HIRA: variants seen among roughly 807,000 people sequenced by gnomAD.
HIRA encodes the protein protein HIRA.
HIRA carries 13 observed loss-of-function variants against 126.6 expected under a neutral mutation model. The ratio of observed to expected loss-of-function variants is 0.10; its 90% CI spans 0.07 to 0.16. The LOEUF (loss-of-function observed/expected upper bound fraction) is 0.16, where lower values mean the gene tolerates loss of function less well. HIRA is among the 10% of genes least tolerant of loss of function. HIRA has a pLI of 1.00. For synonymous variants in HIRA, 511 were observed against 520.0 expected (o/e 0.98, Z 0.24); for missense variants, 834 against 1,314.4 (o/e 0.63, Z 5.65).
intron 1 of HIRA, among the ~76,000 whole-genome samples, chr22:19,413,629 A>ATT (rs373575602): frequency 3.0e-4 from 45 of 151,614 alleles, no homozygotes; most frequent in African/African-American, 1.0e-3. Flanking sequence ...TTATTTATTT[A>ATT]TAGACAGAGT....
At chr22:19,398,612 G>A (rs1286803314) in intron 5 of HIRA, among the ~76,000 whole-genome samples, 1 of 152,216 alleles carries the variant, frequency 6.6e-6, no homozygotes, top group African/African-American at 2.4e-5. Context: ...TCACTATGGA[G>A]CCTCCAAACA....
In HIRA at chr22:19,359,264, C is replaced by T. The variant is rs2088841720; in HGVS notation, c.2234+72G>A. ...CCCAGGGTCATGCACCTCCCCTAGA[C>T]AGGCCCAGGCCCAGAATGATGGCAT... On this transcript the variant is annotated intron_variant, in intron 18 of 24. Coordinates refer to ENST00000263208, the MANE Select transcript of HIRA (RefSeq NM_003325.4). 1.1e-5 allele frequency: 16 copies of T among 1,437,192 alleles called. No individual in the cohort carries two copies. In the South Asian group the frequency reaches 2.1e-4, roughly 19 times the overall value. 89.0% of individuals were successfully genotyped at this position (1,437,192 alleles called of 1,614,324 possible).
intron 1 of HIRA, among the ~76,000 whole-genome samples, chr22:19,411,388 G>C (rs983220080): frequency 5.9e-5 from 9 of 152,238 alleles, no homozygotes; most frequent in Non-Finnish European, 1.0e-4. Context: ...AAAGAGCCCA[G>C]TATGGGCCTA....
In HIRA at chr22:19,405,928, C is replaced by T. The variant is rs377361181; in HGVS notation, c.303-48G>A. The stretch of plus-strand genomic sequence containing the variant: ...AGGCACTCATGGAGTGCTCTGGGCA[C>T]TGCATAGAAATGCTCCCTGCAGCCA... On this transcript the variant is annotated intron_variant, in intron 4 of 24. Transcript: ENST00000263208. The T allele has an allele frequency of 5.9e-5, 76 of 1,287,220 alleles. No individual in the cohort carries two copies. In the African/African-American group the frequency reaches 1.1e-3, roughly 19 times the overall value. The allele number at this position is 1,287,220 out of a possible 1,614,324, so 79.7% of individuals were successfully genotyped here. A position where few individuals can be genotyped will look rare whatever the true frequency, so the allele number is the denominator to read the frequency against.
intron 11 of HIRA, among the ~76,000 whole-genome samples, chr22:19,387,262 G>A (rs1221914469): frequency 3.3e-5 from 5 of 152,220 alleles, no homozygotes. Context: ...AAATGGATGA[G>A]CCTTGCCTTG....
intron 13 of HIRA, among the ~76,000 whole-genome samples, chr22:19,379,466 A>G (rs1486048335): frequency 2.0e-5 from 3 of 150,884 alleles, no homozygotes; most frequent in Non-Finnish European, 3.0e-5. Context: ...CTCCACTAAA[A>G]ATACAAAAAT....
intron 15 of HIRA, among the ~76,000 whole-genome samples, chr22:19,370,132 T>A (rs1273142517): frequency 6.6e-6 from 1 of 152,102 alleles, no homozygotes; most frequent in Non-Finnish European, 1.5e-5. Context: ...TGTATTTTTA[T>A]AGTAGAGACG....
At chr22:19,394,751 A>G (rs2089209414) in intron 7 of HIRA, among the ~76,000 whole-genome samples, 2 of 152,198 alleles carry the variant, frequency 1.3e-5, no homozygotes, top group African/African-American at 4.8e-5. Flanking sequence ...AAAGAAATAT[A>G]GTACAGAAGT....
At chr22:19,357,189 G>T in intron 18 of HIRA, 138 bp from the exon 19 acceptor site, 1 of 990,460 alleles carries the variant, frequency 1.0e-6, no homozygotes, top group Non-Finnish European at 1.5e-6. Context: ...AAGGGAAGGT[G>T]GATTGGGTCA....
At chr22:19,405,606 G>A (rs1418941818) in intron 5 of HIRA, 180 bp downstream of exon 5, 1 of 715,734 alleles carries the variant, frequency 1.4e-6, no homozygotes, top group Non-Finnish European at 1.7e-6. Flanking sequence ...GACAGGTAGT[G>A]GACCCGGTGA....
intron 1 of HIRA, 141 bp downstream of exon 1, chr22:19,431,299 C>T: frequency 1.1e-6 from 1 of 936,698 alleles, no homozygotes; most frequent in South Asian, 1.3e-5. Context: ...GGACAAAGTC[C>T]GCTCCCGCCG....
intron 15 of HIRA, 67 bp downstream of exon 15, chr22:19,375,564 G>A: frequency 1.3e-6 from 2 of 1,543,380 alleles, no homozygotes; most frequent in Non-Finnish European, 1.8e-6. Context: ...TGGGAACACT[G>A]CCACTGTGCT....
chr22:19,348,581 C>T lies in HIRA; in HGVS notation c.2937+2777G>A, dbSNP rs181692211. Reference sequence around the variant, plus strand: ...CGCGATCTCGGCTCACTGCAACCTCCGCCTCCTGGGTTCAAGTGATTCTCC... The same window carrying T: ...CGCGATCTCGGCTCACTGCAACCTCTGCCTCCTGGGTTCAAGTGATTCTCC... On this transcript the variant is annotated intron_variant, in intron 24 of 24. Transcript: ENST00000263208. Among the ~76,000 whole-genome samples, 658 of 151,884 alleles carry T rather than the reference C, an allele frequency of 4.3e-3. 5 individuals carry two copies. Among genetic ancestry groups the T allele is most frequent in the African/African-American group, 0.015 (609 of 41,432 alleles).
intron 24 of HIRA, among the ~76,000 whole-genome samples, chr22:19,339,862 G>C (rs1569287461): frequency 1.3e-5 from 2 of 152,110 alleles, no homozygotes; most frequent in Non-Finnish European, 2.9e-5. Flanking sequence ...TAAGTAGCAA[G>C]ACTGAAACAG....
chr22:19,359,074 C>T (rs1472672281), intron 18 of HIRA, among the ~76,000 whole-genome samples: 1 of 152,184 alleles, frequency 6.6e-6, no homozygotes, highest in African/African-American at 2.4e-5. Flanking sequence ...ATCAGGCCAT[C>T]AGGTTCAAAG....
chr22:19,347,678 T>G (rs1556009281), intron 24 of HIRA, among the ~76,000 whole-genome samples: 1 of 151,904 alleles, frequency 6.6e-6, no homozygotes, highest in Non-Finnish European at 1.5e-5. Flanking sequence ...GTGGCTCATG[T>G]CTATAATCCC....
In HIRA at chr22:19,431,553, C is replaced by T. The variant is rs1006932863; in HGVS notation, c.-77G>A. On this transcript the variant is annotated 5_prime_UTR_variant, in exon 1 of 25. Transcript: ENST00000263208. ...CGCCCGGGCCATGGAGCCACCGCCG[C>T]CGCTTCCTCCCGCGCCACCCGCCCT... 2 of 1,113,958 alleles carry T rather than the reference C, an allele frequency of 1.8e-6. No individual in the cohort carries two copies. The highest frequency in any genetic ancestry group is 2.2e-6 in the Non-Finnish European group (2 of 905,946). The allele number at this position is 1,113,958 out of a possible 1,614,324, so 69.0% of individuals were successfully genotyped here. A position where few individuals can be genotyped will look rare whatever the true frequency, so the allele number is the denominator to read the frequency against.
At chr22:19,409,917 A>G (rs1413706044) in intron 2 of HIRA, among the ~76,000 whole-genome samples, 2 of 150,768 alleles carry the variant, frequency 1.3e-5, no homozygotes, top group African/African-American at 4.9e-5. Flanking sequence ...GCTTCCCTAC[A>G]CTCCCTTCCA....
At chr22:19,384,962 A>G (rs934537134) in intron 12 of HIRA, among the ~76,000 whole-genome samples, 1 of 152,068 alleles carries the variant, frequency 6.6e-6, no homozygotes, top group African/African-American at 2.4e-5. Context: ...CCTGAGGTAG[A>G]GATTTTCAAA....
Sources: allele counts gnomAD v4.1 joint callset (sites outside exome capture counted in the v4.1 genomes callset), GRCh38; gene constraint gnomAD v4.1.1; transcripts MANE v1.5; gene names NCBI Gene and HGNC (gene_info 2026-07-23, HGNC 2026-07-21).